Variants in BTC observed in about 807,000 individuals in gnomAD.
BTC encodes the protein probetacellulin.
In BTC, 13 loss-of-function variants were observed where a neutral mutation model predicts 18.1. The ratio of observed to expected loss-of-function variants is 0.72; its 90% confidence interval spans 0.47 to 1.14. BTC has a LOEUF of 1.14. Ranked by LOEUF, BTC falls within the 50% of genes most tolerant of loss-of-function variation. The pLI, the probability that BTC is intolerant of heterozygous loss-of-function variation, is 0.00. For synonymous variants in BTC, 83 were observed against 79.4 expected (o/e 1.05, Z -0.24); for missense variants, 247 against 224.2 (o/e 1.10, Z -0.65).
intron 1 of BTC, among the ~76,000 whole-genome samples, chr4:74,792,824 C>G (rs1021108037): frequency 2.6e-5 from 4 of 152,226 alleles, no homozygotes; most frequent in Admixed American, 2.6e-4. Context: ...TTCCAGCCCC[C>G]GCTGTTGAGC....
intron 1 of BTC, among the ~76,000 whole-genome samples, chr4:74,782,490 T>A (rs1725359659): frequency 6.6e-6 from 1 of 152,248 alleles, no homozygotes; most frequent in Non-Finnish European, 1.5e-5. Context: ...ATTTTATTTA[T>A]CCAGTCTATC....
At chr4:74,756,148 C>T (rs1042442120) in intron 2 of BTC, among the ~76,000 whole-genome samples, 172 bp from the exon 3 acceptor site, 1 of 152,132 alleles carries the variant, frequency 6.6e-6, no homozygotes, top group African/African-American at 2.4e-5. Context: ...CAAAATAGCT[C>T]TAGACATTGG....
intron 1 of BTC, among the ~76,000 whole-genome samples, chr4:74,771,684 A>G (rs1725046279): frequency 6.6e-6 from 1 of 152,222 alleles, no homozygotes. Context: ...GGTAACAGTG[A>G]AGAGAAATGG....
At chr4:74,772,929 G>A (rs1359185591) in intron 1 of BTC, among the ~76,000 whole-genome samples, 1 of 152,178 alleles carries the variant, frequency 6.6e-6, no homozygotes, top group African/African-American at 2.4e-5. Context: ...GGGGGCTATG[G>A]CCCAGGCTCC....
intron 3 of BTC, among the ~76,000 whole-genome samples, chr4:74,751,156 G>C (rs1184543036): frequency 1.3e-5 from 2 of 152,092 alleles, no homozygotes; most frequent in Non-Finnish European, 2.9e-5. Flanking sequence ...AAAATTGTAT[G>C]GTTTTATATG....
intron 2 of BTC, among the ~76,000 whole-genome samples, chr4:74,762,014 G>A (rs1429741216): frequency 6.6e-6 from 1 of 152,046 alleles, no homozygotes; most frequent in Non-Finnish European, 1.5e-5. Context: ...TTGACACCTG[G>A]ATGACAGCCT....
Position 74,756,090 on chromosome 4 carries a change from A to G in BTC, c.164-114T>C, listed in dbSNP as rs797040540. The G allele has an allele frequency of 4.1e-5, 42 of 1,013,576 alleles. 1 individual carries two copies. The African/African-American group carries it at 6.2e-4, about 15-fold the overall frequency. 62.8% of individuals were successfully genotyped at this position (1,013,576 alleles called of 1,614,324 possible). A position where few individuals can be genotyped will look rare whatever the true frequency, so the allele number is the denominator to read the frequency against. On this transcript the variant is annotated intron_variant, in intron 2 of 5. Transcript: ENST00000395743. ...TCTGTAGAATATGTTTGAATCTCTC[A>G]TTTTTCTTTCTCTCTGCACTGGGAT... is the stretch of plus-strand genomic sequence containing the variant.
intron 1 of BTC, among the ~76,000 whole-genome samples, chr4:74,791,969 TCACA>T (rs3087019): frequency 0.044 from 5,855 of 134,192 alleles, 252 homozygotes; most frequent in African/African-American, 0.12. Flanking sequence ...TTCCACCATC[TCACA>T]CACACACACA....
At chr4:74,776,154 A>G (rs756272853) in intron 1 of BTC, among the ~76,000 whole-genome samples, 22 of 150,820 alleles carry the variant, frequency 1.5e-4, no homozygotes, top group Non-Finnish European at 1.0e-4. Flanking sequence ...TTTCATTGCT[A>G]TAGCTCTGTT....
At chr4:74,758,341 C>T (rs377375707) in intron 2 of BTC, among the ~76,000 whole-genome samples, 15 of 152,184 alleles carry the variant, frequency 9.9e-5, no homozygotes, top group African/African-American at 3.6e-4. Flanking sequence ...CATAAAAATA[C>T]TTTAAACTGT....
chr4:74,777,150 A>C (rs1191762333), intron 1 of BTC, among the ~76,000 whole-genome samples: 1 of 152,174 alleles, frequency 6.6e-6, no homozygotes, highest in Non-Finnish European at 1.5e-5. Flanking sequence ...TCCTAGATCT[A>C]CCTTTTATGC....
chr4:74,755,397 A>T (rs1724570918), intron 3 of BTC, among the ~76,000 whole-genome samples: 1 of 152,234 alleles, frequency 6.6e-6, no homozygotes, highest in Admixed American at 6.5e-5. Context: ...TCCCCACTAT[A>T]CTAAACAGGC....
In BTC at chr4:74,745,252, T is replaced by G. The variant is rs760691468; in HGVS notation, c.*1425A>C. ...CTTTTACTAATAGGGGAGCTATTTA[T>G]GTATCATATGTAAGTACAGCCCCAG... On this transcript the variant is annotated 3_prime_UTR_variant, in exon 6 of 6. Coordinates refer to ENST00000395743, the MANE Select transcript of BTC (RefSeq NM_001729.4). 6.6e-6 allele frequency: 1 copy of G among 152,238 alleles called. No homozygotes were observed. Among genetic ancestry groups the G allele is most frequent in the Admixed American group, 6.5e-5 (1 of 15,282 alleles). 9.4% of individuals were successfully genotyped at this position (152,238 alleles called of 1,614,324 possible). A position where few individuals can be genotyped will look rare whatever the true frequency, so the allele number is the denominator to read the frequency against.
intron 2 of BTC, among the ~76,000 whole-genome samples, chr4:74,763,369 G>C (rs1039645111): frequency 1.2e-4 from 19 of 152,072 alleles, no homozygotes; most frequent in African/African-American, 4.1e-4. Flanking sequence ...CATGGTCTTA[G>C]TGTGCCACAG....
At chr4:74,755,137 T>C (rs1370712304) in intron 3 of BTC, among the ~76,000 whole-genome samples, 1 of 152,148 alleles carries the variant, frequency 6.6e-6, no homozygotes, top group Admixed American at 6.5e-5. Context: ...GAGATACTTA[T>C]GGAAAGAAAA....
At position 74,745,788 on chromosome 4, in the gene BTC, T is replaced by C. The variant is rs1258368913; in HGVS notation, c.*889A>G. On this transcript the variant is annotated 3_prime_UTR_variant, in exon 6 of 6. Coordinates refer to ENST00000395743, the MANE Select transcript of BTC (RefSeq NM_001729.4). The stretch of plus-strand genomic sequence containing the variant: ...TTATATTTTATTGAGCATAAACACT[T>C]ACCCAGGGCTTAAGGAATGCCAAGC... 1 of 152,212 alleles carries C rather than the reference T, an allele frequency of 6.6e-6. No homozygotes were observed. The highest frequency in any genetic ancestry group is 2.4e-5 in the African/African-American group (1 of 41,460). 9.4% of individuals were successfully genotyped at this position (152,212 alleles called of 1,614,324 possible). A position where few individuals can be genotyped will look rare whatever the true frequency, so the allele number is the denominator to read the frequency against.
chr4:74,778,826 G>A (rs1725244745), intron 1 of BTC, among the ~76,000 whole-genome samples: 1 of 152,124 alleles, frequency 6.6e-6, no homozygotes, highest in South Asian at 2.1e-4. Flanking sequence ...AAGAGACAAT[G>A]AAGGTGGCTG....
At position 74,758,576 on chromosome 4, in the gene BTC, G is replaced by T. The variant is rs77779286; in HGVS notation, c.164-2600C>A. On this transcript the variant is annotated intron_variant, in intron 2 of 5. Transcript: ENST00000395743. The stretch of plus-strand genomic sequence containing the variant: ...GGCCTTTAAATATCAAAGTCATTTG[G>T]CTATGTATCCTAAACTTTATTTCTC... Among the ~76,000 whole-genome samples the T allele has an allele frequency of 4.9e-3, 751 of 152,214 alleles. 38 individuals are homozygous for T. The East Asian group carries it at 0.12, about 25-fold the overall frequency.
Position 74,750,657 on chromosome 4 carries a change from T to A in BTC, c.344A>T (p.Asp115Val), listed in dbSNP as rs781951580. The A allele has an allele frequency of 6.2e-7, 1 of 1,613,930 alleles. No homozygotes were observed. Among genetic ancestry groups the A allele is most frequent in the Non-Finnish European group, 8.5e-7 (1 of 1,179,922 alleles). The change falls in exon 4 of 6, where the codon GAC (aspartate) becomes GTC (valine). Residue 115 changes from aspartate (D) to valine (V), a missense_variant. Asp to Val is a radical substitution (Grantham distance 152). Transcript: ENST00000395743. ...ERVDLFYLRGDRGQILVICLI... is the reference protein window; with the variant it reads ...ERVDLFYLRGVRGQILVICLI... ...ACAAATCACCAGAATCTGTCCTCTG[T>A]CTCCTCTTAGGTAAAACAAGTCAAC...
Sources: allele counts gnomAD v4.1 joint callset (sites outside exome capture counted in the v4.1 genomes callset), GRCh38; gene constraint gnomAD v4.1.1; transcripts MANE v1.5; gene names NCBI Gene and HGNC (gene_info 2026-07-23, HGNC 2026-07-21).